P3H2: variants seen among roughly 807,000 people sequenced by gnomAD.
P3H2 encodes leprecan-like 1.
P3H2 carries 80 observed loss-of-function variants against 87.0 expected under a neutral mutation model. That is an observed-to-expected ratio of 0.92 (90% CI 0.77 to 1.11). P3H2 has a LOEUF of 1.11. P3H2 is among the 50% of genes least tolerant of loss of function. P3H2 has a pLI of 0.00. For synonymous variants in P3H2, 367 were observed against 359.3 expected (o/e 1.02, Z -0.24); for missense variants, 1,001 against 923.9 (o/e 1.08, Z -1.08).
At chr3:190,076,967 T>C (rs1370982106) in intron 1 of P3H2, among the ~76,000 whole-genome samples, 2 of 152,218 alleles carry the variant, frequency 1.3e-5, no homozygotes, top group Non-Finnish European at 2.9e-5. Context: ...CAGTACCATC[T>C]GCCTCAGGGT....
intron 1 of P3H2, among the ~76,000 whole-genome samples, chr3:190,107,374 G>A (rs1418967158): frequency 1.3e-5 from 2 of 152,072 alleles, no homozygotes; most frequent in East Asian, 1.9e-4. Flanking sequence ...TTCTTGTTGC[G>A]CTTTCATAGC....
intron 1 of P3H2, among the ~76,000 whole-genome samples, chr3:190,040,129 C>G (rs868365543): frequency 6.6e-6 from 1 of 152,024 alleles, no homozygotes; most frequent in Non-Finnish European, 1.5e-5. Context: ...TAATTGGCAT[C>G]ACACACACAC....
chr3:190,033,668 G>A (rs1725326595), intron 1 of P3H2, among the ~76,000 whole-genome samples: 2 of 152,068 alleles, frequency 1.3e-5, no homozygotes, highest in Admixed American at 6.5e-5. Context: ...GGATGTGGCT[G>A]GTCCTGTAAA....
chr3:189,963,850 T>C, intron 14 of P3H2, 108 bp downstream of exon 14: 1 of 1,078,472 alleles, frequency 9.3e-7, no homozygotes. Flanking sequence ...GATTAAGAAC[T>C]GCCTTTACCC....
At chr3:190,058,547 T>C (rs1284311465) in intron 1 of P3H2, among the ~76,000 whole-genome samples, 2 of 151,682 alleles carry the variant, frequency 1.3e-5, no homozygotes, top group African/African-American at 4.8e-5. Flanking sequence ...TGGGAGTGAG[T>C]AGATGTCCAG....
At chr3:189,988,561 A>G (rs1344921046) in intron 4 of P3H2, among the ~76,000 whole-genome samples, 1 of 152,212 alleles carries the variant, frequency 6.6e-6, no homozygotes, top group African/African-American at 2.4e-5. Context: ...ACTGTGTGCC[A>G]TCAACGCCAG....
At chr3:190,062,744 G>A (rs773647304) in intron 1 of P3H2, among the ~76,000 whole-genome samples, 9 of 152,022 alleles carry the variant, frequency 5.9e-5, no homozygotes, top group Admixed American at 6.6e-5. Context: ...TCTGTAAAAT[G>A]GAATTAATAA....
rs1560347615 is a variant in P3H2, at chr3:189,983,080, C to T, written c.1290G>A (p.Lys430=). 1.3e-5 allele frequency: 21 copies of T among 1,613,734 alleles called. No individual in the cohort carries two copies. Among genetic ancestry groups the T allele is most frequent in the Non-Finnish European group, 1.8e-5 (21 of 1,179,830 alleles). The change falls in exon 8 of 15, where the codon AAG becomes AAA. Residue 430 remains lysine, a synonymous_variant. Coordinates refer to ENST00000319332, the MANE Select transcript of P3H2 (RefSeq NM_018192.4). ...AEVHGFSMGK[K]LSPKIDRDLR... Reference sequence around the variant, plus strand: ...GGTCTCGATCTATCTTGGGTGATAGCTTTTTTCCCATTGAGAATCCATGAA... The same window carrying T: ...GGTCTCGATCTATCTTGGGTGATAGTTTTTTTCCCATTGAGAATCCATGAA...
intron 1 of P3H2, among the ~76,000 whole-genome samples, chr3:189,996,746 T>C (rs1046452706): frequency 6.9e-6 from 1 of 145,870 alleles, no homozygotes; most frequent in Non-Finnish European, 1.5e-5. Flanking sequence ...TTATTATGTG[T>C]CAATTAAAAA....
intron 10 of P3H2, 111 bp from the exon 11 acceptor site, chr3:189,973,135 T>A: frequency 1.1e-6 from 1 of 926,758 alleles, no homozygotes; most frequent in Non-Finnish European, 1.6e-6. Context: ...CTGTATTGAC[T>A]AATGGGGAAG....
At chr3:190,052,739 ATCTG>A (rs1385375743) in intron 1 of P3H2, among the ~76,000 whole-genome samples, 3 of 151,924 alleles carry the variant, frequency 2.0e-5, no homozygotes, top group African/African-American at 7.3e-5. Flanking sequence ...ATATCTATCT[ATCTG>A]TCTTTAGTGA....
chr3:190,033,082 T>C (rs1427657616), intron 1 of P3H2, among the ~76,000 whole-genome samples: 1 of 152,126 alleles, frequency 6.6e-6, no homozygotes, highest in African/African-American at 2.4e-5. Flanking sequence ...GGAACCTAGA[T>C]CCCCCACATG....
intron 1 of P3H2, among the ~76,000 whole-genome samples, chr3:190,040,765 A>C (rs930682368): frequency 6.6e-6 from 1 of 151,986 alleles, no homozygotes; most frequent in Non-Finnish European, 1.5e-5. Context: ...TATGCAAAAA[A>C]TGAGCTGATT....
intron 1 of P3H2, among the ~76,000 whole-genome samples, chr3:190,001,746 T>C (rs1221622232): frequency 6.6e-6 from 1 of 151,266 alleles, no homozygotes; most frequent in Non-Finnish European, 1.5e-5. Context: ...GATGTGTGTG[T>C]GTATACACTC....
intron 1 of P3H2, among the ~76,000 whole-genome samples, chr3:189,997,895 T>C (rs1199249061): frequency 2.0e-5 from 3 of 152,210 alleles, no homozygotes; most frequent in Non-Finnish European, 4.4e-5. Context: ...GGTTCAAAAT[T>C]ATGTGTGGTT....
intron 1 of P3H2, among the ~76,000 whole-genome samples, chr3:190,042,574 A>G (rs973442206): frequency 6.6e-6 from 1 of 152,212 alleles, no homozygotes; most frequent in African/African-American, 2.4e-5. Flanking sequence ...TATTTGTAAT[A>G]AAAGATTTTC....
At chr3:190,099,341 T>C (rs1711537670) in intron 1 of P3H2, among the ~76,000 whole-genome samples, 1 of 152,198 alleles carries the variant, frequency 6.6e-6, no homozygotes, top group South Asian at 2.1e-4. Flanking sequence ...TACTACCACA[T>C]GTTTAGATAC....
chr3:189,959,624 C>T (rs970120755), intron 14 of P3H2, among the ~76,000 whole-genome samples: 2 of 152,050 alleles, frequency 1.3e-5, no homozygotes, highest in African/African-American at 2.4e-5. Flanking sequence ...GTAACACTTT[C>T]AAAAGAATTC....
chr3:190,094,221 G>A (rs543437457), intron 1 of P3H2, among the ~76,000 whole-genome samples: 5 of 152,202 alleles, frequency 3.3e-5, no homozygotes, highest in African/African-American at 4.8e-5. Flanking sequence ...TTCCACCCAG[G>A]AAAGCAAAAT....
Sources: allele counts gnomAD v4.1 joint callset (sites outside exome capture counted in the v4.1 genomes callset), GRCh38; gene constraint gnomAD v4.1.1; transcripts MANE v1.5; gene names NCBI Gene and HGNC (gene_info 2026-07-23, HGNC 2026-07-21).